The following MGST1 variants were observed in gnomAD, a reference collection of about 807,000 sequenced individuals.
MGST1 encodes the protein microsomal glutathione S-transferase 1, also known as glutathione S-transferase 12.
Under a neutral mutation model 8.9 loss-of-function variants are expected in MGST1, and 5 were observed. The ratio of observed to expected loss-of-function variants is 0.56; its 90% CI spans 0.29 to 1.19. The LOEUF is 1.19. Ranked by LOEUF, MGST1 falls within the 50% of genes most tolerant of loss-of-function variation. The probability of loss-of-function intolerance (pLI) is 0.08; values close to 1 mark genes in which losing one functional copy is unlikely to be tolerated. For synonymous variants in MGST1, 54 were observed against 67.8 expected (o/e 0.80, Z 1.00); for missense variants, 182 against 187.4 (o/e 0.97, Z 0.17).
chr12:16,589,771 TC>T (rs1230181608), downstream of MGST1, among the ~76,000 whole-genome samples: 2 of 152,058 alleles, frequency 1.3e-5, no homozygotes, highest in African/African-American at 4.8e-5. This position sits in a 1 kb window ranked among gnomAD's most constrained non-coding sequence, Gnocchi z 4.2. Context: ...GAATATAGGT[TC>T]CTCAACTCAA....
chr12:16,518,547 T>C (rs1565468225), intron 4 of MGST1, among the ~76,000 whole-genome samples: 1 of 152,220 alleles, frequency 6.6e-6, no homozygotes, highest in Non-Finnish European at 1.5e-5. Flanking sequence ...ATTTATTCTG[T>C]GACAGCAGGA....
At chr12:16,400,138 T>C in intron 1 of MGST1, 3 of 1,457,986 alleles carry the variant, frequency 2.1e-6, no homozygotes, top group Non-Finnish European at 2.9e-6. Flanking sequence ...CTGCTCAGCA[T>C]AGAGGTCATC....
Position 16,357,592 on chromosome 12 carries a change from G to T in MGST1, c.127-13G>T, listed in dbSNP as rs1212648025. 1.9e-6 allele frequency: 3 copies of T among 1,598,704 alleles called. No individual in the cohort carries two copies. Among genetic ancestry groups the T allele is most frequent in the Admixed American group, 1.7e-5 (1 of 57,146 alleles). On this transcript the variant is annotated splice_polypyrimidine_tract_variant and intron_variant, in intron 2 of 3. Transcript: ENST00000396210. ...GTATTTGAAATAAGTTTTTTTTCTT[G>T]GTATTTGGATAGGTTTTTGCCAATC... is the stretch of plus-strand genomic sequence containing the variant.
At chr12:16,478,824 A>G (rs1343982406) in intron 4 of MGST1, among the ~76,000 whole-genome samples, 2 of 152,150 alleles carry the variant, frequency 1.3e-5, no homozygotes, top group Non-Finnish European at 2.9e-5. Context: ...CATGAAATTC[A>G]CATAACATAA....
intron 3 of MGST1, among the ~76,000 whole-genome samples, chr12:16,371,495 G>T (rs1448269949): frequency 1.3e-5 from 2 of 151,986 alleles, no homozygotes; most frequent in African/African-American, 4.8e-5. Flanking sequence ...TGGTCTGTGG[G>T]CCAAATCTGA....
intron 1 of MGST1, among the ~76,000 whole-genome samples, chr12:16,408,081 G>C (rs933503445): frequency 6.7e-6 from 1 of 148,758 alleles, no homozygotes; most frequent in Non-Finnish European, 1.5e-5. Context: ...GATAGAGCTG[G>C]AGGCCACTAT....
chr12:16,399,752 G>A (rs1291348767), intron 1 of MGST1: 2 of 1,153,238 alleles, frequency 1.7e-6, no homozygotes, highest in African/African-American at 3.0e-5. Flanking sequence ...CTCCTTCTGT[G>A]TACTTCAGGT....
chr12:16,372,950 TAC>T, intron 3 of MGST1, among the ~76,000 whole-genome samples: 2 of 105,486 alleles, frequency 1.9e-5, no homozygotes, highest in Non-Finnish European at 3.9e-5. Context: ...TATTATATAT[TAC>T]ATATTACATA....
At chr12:16,512,858 T>A (rs149608282) in intron 4 of MGST1, among the ~76,000 whole-genome samples, 27 of 152,364 alleles carry the variant, frequency 1.8e-4, no homozygotes, top group African/African-American at 6.3e-4. Context: ...GAAATTCATC[T>A]GAGTTATGTA....
intron 1 of MGST1, among the ~76,000 whole-genome samples, chr12:16,420,823 A>C (rs1940829589): frequency 6.6e-6 from 1 of 152,158 alleles, no homozygotes; most frequent in South Asian, 2.1e-4. Context: ...AGGTGAGGGA[A>C]TGAGTGCCTC....
intron 4 of MGST1, among the ~76,000 whole-genome samples, chr12:16,449,332 G>C (rs1941110229): frequency 6.6e-6 from 1 of 151,796 alleles, no homozygotes; most frequent in African/African-American, 2.4e-5. Flanking sequence ...CTGATCTCGA[G>C]TAAACCCACT....
intron 4 of MGST1, among the ~76,000 whole-genome samples, chr12:16,521,034 A>G (rs1941645516): frequency 6.6e-6 from 1 of 152,084 alleles, no homozygotes; most frequent in Non-Finnish European, 1.5e-5. Flanking sequence ...ATGATGCCCT[A>G]TAGTACACCA....
chr12:16,366,808 C>G (rs1370954085), downstream of MGST1, among the ~76,000 whole-genome samples: 2 of 152,146 alleles, frequency 1.3e-5, no homozygotes, highest in East Asian at 3.9e-4. The surrounding 1 kb of genome is among the most constrained non-coding windows in gnomAD (Gnocchi z 4.0). Flanking sequence ...AACTCCATCA[C>G]AAGCAGTTCA....
At chr12:16,433,999 T>C (rs969076596) in intron 1 of MGST1, among the ~76,000 whole-genome samples, 1 of 152,122 alleles carries the variant, frequency 6.6e-6, no homozygotes, top group Admixed American at 6.6e-5. Flanking sequence ...AAATTGCTTC[T>C]CTTCTACAAA....
chr12:16,354,445 A>G (rs1050479205), intron 2 of MGST1, 67 bp downstream of exon 2: 8 of 1,521,846 alleles, frequency 5.3e-6, no homozygotes, highest in Non-Finnish European at 7.1e-6. Flanking sequence ...AGTTTTCTTA[A>G]TTTTCTTTTT....
At position 16,555,259 on chromosome 12, in the gene MGST1, G is replaced by T. The variant is rs891259522; in HGVS notation, n.483-34269G>T. ...TCCCCTTTTTCTGTCTACTTAAATT[G>T]TAACAATCCTTGAGTTCCCATTGCC... On this transcript the variant is annotated intron_variant and non_coding_transcript_variant, in intron 4 of 4. Transcript: ENST00000538857. This position sits in a 1 kb window ranked among gnomAD's most constrained non-coding sequence, Gnocchi z 5.5. Among the ~76,000 whole-genome samples the T allele has an allele frequency of 6.6e-6, 1 of 152,002 alleles. No homozygotes were observed. Among genetic ancestry groups the T allele is most frequent in the African/African-American group, 2.4e-5 (1 of 41,398 alleles).
At chr12:16,486,458 T>A (rs922738382) in intron 4 of MGST1, among the ~76,000 whole-genome samples, 1 of 152,238 alleles carries the variant, frequency 6.6e-6, no homozygotes, top group Non-Finnish European at 1.5e-5. Flanking sequence ...TTGGCAAATT[T>A]ATTTTTCTAA....
intron 1 of MGST1, among the ~76,000 whole-genome samples, chr12:16,407,188 G>GC (rs1227704663): frequency 6.6e-6 from 1 of 152,134 alleles, no homozygotes; most frequent in African/African-American, 2.4e-5. Context: ...CTAATATCCA[G>GC]CATCTCTAAG....
chr12:16,538,790 A>G (rs1441963611), intron 4 of MGST1, among the ~76,000 whole-genome samples: 1 of 151,836 alleles, frequency 6.6e-6, no homozygotes, highest in African/African-American at 2.4e-5. Flanking sequence ...TTGTATTTTT[A>G]GTAGAGACGG....
Sources: gnomAD v4.1 joint callset for allele counts (sites outside exome capture counted in the v4.1 genomes callset) on GRCh38, gnomAD v4.1.1 for gene constraint, Gnocchi (gnomAD v3.1) non-coding constraint, MANE v1.5 for transcripts, NCBI Gene and HGNC (gene_info 2026-07-23, HGNC 2026-07-21) for gene names.